Variants in SH3GL3 observed in about 807,000 individuals in gnomAD.
SH3GL3 encodes SH3 domain containing GRB2 like 3, endophilin A3.
A neutral mutation model predicts 47.7 loss-of-function variants in SH3GL3; 33 were observed. That is an observed-to-expected ratio of 0.69 (90% CI 0.52 to 0.92). The LOEUF is 0.92. Ranked by LOEUF, SH3GL3 falls within the 40% of genes least tolerant of loss-of-function variation. The probability of loss-of-function intolerance (pLI) is 0.00; values close to 1 mark genes in which losing one functional copy is unlikely to be tolerated. For missense variants in SH3GL3, 363 were observed against 417.8 expected (o/e 0.87, Z 1.14); for synonymous variants, 155 against 148.8 (o/e 1.04, Z -0.30).
intron 1 of SH3GL3, among the ~76,000 whole-genome samples, chr15:83,538,264 T>C (rs2044010813): frequency 1.3e-5 from 2 of 152,326 alleles, no homozygotes; most frequent in African/African-American, 2.4e-5. Flanking sequence ...CCAGCATTGC[T>C]TGTTAAACTT....
At position 83,568,583 on chromosome 15, in the gene SH3GL3, T is replaced by C. The variant is rs1212845008; in HGVS notation, c.242T>C (p.Val81Ala). ...ACTGTGTCGAAGATCCGAGGGCAGG[T>C]GAAGACCACAGGATACCCGCAGACG... ...LNTVSKIRGQ[V>A]KTTGYPQTEG... is the part of the protein sequence containing the mutation. Residue 81 changes from valine to alanine, a missense_variant, in exon 4 of 9, where the codon GTG (valine) becomes GCG (alanine). Physicochemically the swap from Val to Ala is moderately conservative, Grantham distance 64. Transcript: ENST00000427482. 1 of 1,613,364 alleles carries C rather than the reference T, an allele frequency of 6.2e-7. No homozygotes were observed. Among genetic ancestry groups the C allele is most frequent in the African/African-American group, 1.3e-5 (1 of 75,000 alleles).
At chr15:83,568,697 G>A (rs766964418) in intron 4 of SH3GL3, 25 bp downstream of exon 4, 3 of 1,593,000 alleles carry the variant, frequency 1.9e-6, no homozygotes, top group Non-Finnish European at 1.7e-6. Context: ...GATCAGCTGG[G>A]GGAGCTGAGA....
chr15:83,509,575 G>A (rs2042660759), intron 1 of SH3GL3, among the ~76,000 whole-genome samples: 1 of 152,140 alleles, frequency 6.6e-6, no homozygotes, highest in Non-Finnish European at 1.5e-5. Context: ...TGTGATAAAT[G>A]CTGGTTTCTG....
intron 8 of SH3GL3, among the ~76,000 whole-genome samples, chr15:83,602,156 C>T (rs2060401588): frequency 6.6e-6 from 1 of 152,194 alleles, no homozygotes. Flanking sequence ...GGAGAAAGAA[C>T]AAACATTTAG....
rs1414993554 is a variant in SH3GL3 at position 83,448,441 on chromosome 15, G to GGTGTGTGTGTGT, written c.45+863_45+864insGTGTGTGTGTGT. Among the ~76,000 whole-genome samples, 2 of 68,598 alleles carry GGTGTGTGTGTGT rather than the reference G, an allele frequency of 2.9e-5. No homozygotes were observed. The highest frequency in any genetic ancestry group is 4.3e-4 in the South Asian group (1 of 2,346). The allele number at this position is 68,598 out of a possible 152,430, so 45.0% of individuals were successfully genotyped here. A position where few individuals can be genotyped will look rare whatever the true frequency, so the allele number is the denominator to read the frequency against. On this transcript the variant is annotated intron_variant, in intron 1 of 8. Transcript: ENST00000427482. This position sits in a 1 kb window ranked among gnomAD's most constrained non-coding sequence, Gnocchi z 4.2. ...AAAACAGGAGGGGAGACATGAAATT[G>GGTGTGTGTGTGT]ATGTGTGTGTGTGTGTGTGTGTGTG... is the stretch of plus-strand genomic sequence containing the variant.
chr15:83,555,038 T>G (rs2151731875), intron 1 of SH3GL3, among the ~76,000 whole-genome samples: 1 of 152,326 alleles, frequency 6.6e-6, no homozygotes, highest in East Asian at 1.9e-4. Context: ...TCATATCTAT[T>G]AACTGATATT....
intron 1 of SH3GL3, among the ~76,000 whole-genome samples, chr15:83,493,262 G>A (rs957651646): frequency 1.3e-5 from 2 of 152,170 alleles, no homozygotes; most frequent in African/African-American, 4.8e-5. Context: ...CCAGGGAGGG[G>A]ATCCGGGGAC....
At chr15:83,589,982 A>C (rs1299703420) in intron 8 of SH3GL3, among the ~76,000 whole-genome samples, 1 of 152,200 alleles carries the variant, frequency 6.6e-6, no homozygotes, top group Non-Finnish European at 1.5e-5. Flanking sequence ...ACTCATGAGA[A>C]AAAAATGGTA....
At chr15:83,573,512 A>G (rs1039447050) in intron 5 of SH3GL3, among the ~76,000 whole-genome samples, 4 of 152,228 alleles carry the variant, frequency 2.6e-5, no homozygotes, top group East Asian at 1.9e-4. Context: ...TCTGTGTTTT[A>G]TAAAGTCCTC....
At chr15:83,558,126 G>A (rs2045055913) in intron 1 of SH3GL3, among the ~76,000 whole-genome samples, 1 of 152,124 alleles carries the variant, frequency 6.6e-6, no homozygotes, top group Admixed American at 6.5e-5. Context: ...ACTATTTTAA[G>A]GGCGTAGATT....
chr15:83,546,925 C>T (rs1237911413), intron 1 of SH3GL3, among the ~76,000 whole-genome samples: 1 of 152,152 alleles, frequency 6.6e-6, no homozygotes, highest in Non-Finnish European at 1.5e-5. Context: ...ATCCAAATTG[C>T]AAGACAAGGT....
intron 8 of SH3GL3, among the ~76,000 whole-genome samples, chr15:83,594,810 A>C (rs2060197568): frequency 6.6e-6 from 1 of 152,144 alleles, no homozygotes; most frequent in Admixed American, 6.5e-5. Flanking sequence ...CTACCATCTC[A>C]CATCAGTCAG....
At chr15:83,633,523 A>C in the SH3GL3 span, among the ~76,000 whole-genome samples, 1 of 152,132 alleles carries the variant, frequency 6.6e-6, no homozygotes. Flanking sequence ...GTTAACTTAC[A>C]ACCCATGGTA....
intron 1 of SH3GL3, among the ~76,000 whole-genome samples, chr15:83,462,436 C>A (rs977880260): frequency 6.6e-6 from 1 of 152,204 alleles, no homozygotes; most frequent in African/African-American, 2.4e-5. Flanking sequence ...GGCAATATCC[C>A]TAACAACTTT....
At chr15:83,572,245 T>A (rs17158820) in intron 4 of SH3GL3, among the ~76,000 whole-genome samples, 7,152 of 152,284 alleles carry the variant, frequency 0.047, 575 homozygotes, top group African/African-American at 0.16. Context: ...TAAGGAACCC[T>A]CCGTGCCAGT....
chr15:83,616,251 C>CTTT (rs10661412), intron 8 of SH3GL3, among the ~76,000 whole-genome samples: 5,970 of 114,128 alleles, frequency 0.052, 798 homozygotes, highest in African/African-American at 0.19. Context: ...ATTGTGATTG[C>CTTT]TTTTTTTTTT....
chr15:83,608,580 A>C (rs967759044), intron 8 of SH3GL3, among the ~76,000 whole-genome samples: 3 of 152,194 alleles, frequency 2.0e-5, no homozygotes, highest in Non-Finnish European at 2.9e-5. Flanking sequence ...AGTTTAAACC[A>C]GATATGCTTG....
At chr15:83,538,861 G>A (rs1457705889) in intron 1 of SH3GL3, among the ~76,000 whole-genome samples, 1 of 152,008 alleles carries the variant, frequency 6.6e-6, no homozygotes, top group Admixed American at 6.5e-5. Flanking sequence ...ATTTCTGCTG[G>A]GTAGATACCA....
chr15:83,614,578 T>C (rs2060763288), intron 8 of SH3GL3, among the ~76,000 whole-genome samples: 1 of 152,120 alleles, frequency 6.6e-6, no homozygotes, highest in Non-Finnish European at 1.5e-5. Flanking sequence ...CAACCTACCC[T>C]GGACATAGGA....
Sources: allele counts gnomAD v4.1 joint callset (sites outside exome capture counted in the v4.1 genomes callset), GRCh38; gene constraint gnomAD v4.1.1; non-coding constraint Gnocchi (gnomAD v3.1); transcripts MANE v1.5; gene names NCBI Gene and HGNC (gene_info 2026-07-23, HGNC 2026-07-21).